The following IARS2 variants were observed in gnomAD, a reference collection of about 807,000 sequenced individuals.
The protein encoded by IARS2 is isoleucine--tRNA ligase, mitochondrial.
A neutral mutation model predicts 126.3 loss-of-function variants in IARS2; 56 were observed. The observed-to-expected ratio is 0.44, with a 90% confidence interval of 0.36 to 0.55. IARS2 has a LOEUF of 0.55. IARS2 is among the 20% of genes least tolerant of loss of function. The probability of loss-of-function intolerance (pLI) is 0.00; values close to 1 mark genes in which losing one functional copy is unlikely to be tolerated. For synonymous variants in IARS2, 407 were observed against 441.1 expected, an observed-to-expected ratio of 0.92 and a Z score of 0.97; for missense variants, 1,127 against 1,245.9, an observed-to-expected ratio of 0.90 and a Z score of 1.44.
intron 8 of IARS2, among the ~76,000 whole-genome samples, chr1:220,105,572 T>C (rs1656662071): frequency 2.0e-5 from 3 of 152,190 alleles, no homozygotes; most frequent in Admixed American, 2.0e-4. Context: ...AAATGAATTA[T>C]TTCTTATCAA....
chr1:220,146,868 C>T lies in IARS2; in HGVS notation c.2897-625C>T, dbSNP rs566833220. 2.6e-5 allele frequency among the ~76,000 whole-genome samples: 4 copies of T among 152,200 alleles called. No individual in the cohort carries two copies. In the East Asian group the frequency reaches 7.7e-4, roughly 29 times the overall value. ...TGTATTTTTAGTAGAGATGGGGTTTCACCATGTTGGCCAGGCTGGTCTTGA... is the reference window on the plus strand; with the variant it reads ...TGTATTTTTAGTAGAGATGGGGTTTTACCATGTTGGCCAGGCTGGTCTTGA... On this transcript the variant is annotated intron_variant, in intron 22 of 22. Coordinates refer to ENST00000366922, the MANE Select transcript of IARS2 (RefSeq NM_018060.4).
chr1:220,130,106 A>G (rs774477815), intron 14 of IARS2, among the ~76,000 whole-genome samples: 7 of 152,166 alleles, frequency 4.6e-5, no homozygotes, highest in Non-Finnish European at 1.0e-4. Context: ...TTCCCTGATG[A>G]TTAGTGATGT....
Position 220,102,217 on chromosome 1 carries a change from T to C in IARS2, c.639T>C (p.Tyr213=), listed in dbSNP as rs1412568537. ...GIMADWNNCY[Y]TFDGKYEAKQ... Reference sequence around the variant, plus strand: ...TGGCAGATTGGAATAATTGCTACTATACATTTGATGGGAAGTATGAAGCCA... The same window carrying C: ...TGGCAGATTGGAATAATTGCTACTACACATTTGATGGGAAGTATGAAGCCA... Residue 213 remains tyrosine, a synonymous_variant, in exon 4 of 23, where the codon TAT becomes TAC. Transcript: ENST00000366922. 2 of 1,612,092 alleles carry C rather than the reference T, an allele frequency of 1.2e-6. No individual in the cohort carries two copies. Among genetic ancestry groups the C allele is most frequent in the Non-Finnish European group, 1.7e-6 (2 of 1,179,476 alleles).
At chr1:220,146,516 T>TAA (rs1657594506) in intron 22 of IARS2, among the ~76,000 whole-genome samples, 1 of 29,014 alleles carries the variant, frequency 3.4e-5, no homozygotes, top group African/African-American at 2.5e-4. Flanking sequence ...AGACTCCGTC[T>TAA]CAAAAAAAAA....
rs1410288129 is a variant in IARS2 at position 220,094,207 on chromosome 1, T to TTGCCGGACCATGCGTTGGGGGC, written c.-6_16dup. 1 of 1,555,702 alleles carries TTGCCGGACCATGCGTTGGGGGC rather than the reference T, an allele frequency of 6.4e-7. No homozygotes were observed. Among genetic ancestry groups the TTGCCGGACCATGCGTTGGGGGC allele is most frequent in the Admixed American group, 1.9e-5 (1 of 52,764 alleles). ...GAGCGGAGGACCCCGCTCTCAGGGG[T>TTGCCGGACCATGCGTTGGGGGC]TGCCGGACCATGCGTTGGGGGCTGC... On this transcript the variant is annotated 5_prime_UTR_variant, in exon 1 of 23. It adds an upstream start codon to the 5' untranslated region. Coordinates refer to ENST00000366922, the MANE Select transcript of IARS2 (RefSeq NM_018060.4).
chr1:220,102,601 A>G lies in IARS2; in HGVS notation c.856A>G (p.Ile286Val). ...GCCTTCTCCAAAATTGGCATCTCTT[A>G]TAGGTAAGATTTATTCATAGCTTGA... is the stretch of plus-strand genomic sequence containing the variant. ...LKPSPKLASL[I>V]DGSSPVSILV... Residue 286 changes from isoleucine to valine, a missense_variant, in exon 6 of 23, where the codon ATA becomes GTA. Ile to Val is a conservative substitution (Grantham distance 29). Transcript: ENST00000366922. 1.2e-6 allele frequency: 2 copies of G among 1,604,880 alleles called. No individual in the cohort carries two copies. Among genetic ancestry groups the G allele is most frequent in the Non-Finnish European group, 1.7e-6 (2 of 1,171,682 alleles).
intron 11 of IARS2, among the ~76,000 whole-genome samples, chr1:220,111,852 G>T (rs937501953): frequency 1.3e-5 from 2 of 151,726 alleles, no homozygotes; most frequent in African/African-American, 4.8e-5. Flanking sequence ...GTGCATTTTG[G>T]TTTTTTCTTC....
Position 220,094,165 on chromosome 1 carries a change from C to T in IARS2, c.-52C>T, listed in dbSNP as rs1222911310. Reference sequence around the variant, plus strand: ...CCCCTTGGTTTCCTGGGGTCCTGCCCCTTCAAGCTGGGGCGGGAGCGGAGG... The same window carrying T: ...CCCCTTGGTTTCCTGGGGTCCTGCCTCTTCAAGCTGGGGCGGGAGCGGAGG... On this transcript the variant is annotated 5_prime_UTR_variant, in exon 1 of 23. Transcript: ENST00000366922. 6 of 1,493,622 alleles carry T rather than the reference C, an allele frequency of 4.0e-6. No homozygotes were observed. In the African/African-American group the frequency reaches 4.3e-5, roughly 11 times the overall value. The allele number at this position is 1,493,622 out of a possible 1,614,324, so 92.5% of individuals were successfully genotyped here.
intron 10 of IARS2, 68 bp from the exon 11 acceptor site, chr1:220,110,718 T>C: frequency 8.0e-7 from 1 of 1,250,934 alleles, no homozygotes; most frequent in Non-Finnish European, 1.1e-6. Flanking sequence ...TTCTGGAAGT[T>C]TAGAGCATTT....
chr1:220,137,351 T>TTA (rs1657397400), intron 16 of IARS2, among the ~76,000 whole-genome samples: 1 of 152,220 alleles, frequency 6.6e-6, no homozygotes, highest in South Asian at 2.1e-4. Context: ...GCGCATTTCA[T>TTA]TATTATATTG....
chr1:220,105,392 A>G (rs146530079), intron 8 of IARS2, among the ~76,000 whole-genome samples: 2 of 152,330 alleles, frequency 1.3e-5, no homozygotes, highest in South Asian at 2.1e-4. Flanking sequence ...AATTCTTACT[A>G]TCAGATAATT....
intron 5 of IARS2, 26 bp downstream of exon 5, chr1:220,102,438 A>G (rs370222815): frequency 4.3e-6 from 7 of 1,612,400 alleles, no homozygotes; most frequent in Non-Finnish European, 5.1e-6. Flanking sequence ...TCGGTAATTA[A>G]AAGGGAGAAA....
intron 10 of IARS2, 86 bp from the exon 11 acceptor site, chr1:220,110,700 T>C: frequency 9.6e-7 from 1 of 1,038,634 alleles, no homozygotes; most frequent in South Asian, 1.5e-5. Context: ...TGCTGCAGAT[T>C]TAGTATTTTC....
At chr1:220,146,047 T>C (rs552067264) in intron 22 of IARS2, among the ~76,000 whole-genome samples, 88 of 152,350 alleles carry the variant, frequency 5.8e-4, no homozygotes, top group African/African-American at 1.9e-3. Context: ...TTTCCTATTA[T>C]GTATACCCCG....
At chr1:220,137,487 A>G (rs1657399852) in intron 16 of IARS2, among the ~76,000 whole-genome samples, 2 of 152,030 alleles carry the variant, frequency 1.3e-5, no homozygotes, top group South Asian at 2.1e-4. Context: ...TCTATTTTTT[A>G]ACTCCTGTAG....
chr1:220,116,457 A>T (rs1164111923), intron 12 of IARS2, among the ~76,000 whole-genome samples: 2 of 151,952 alleles, frequency 1.3e-5, no homozygotes, highest in Non-Finnish European at 2.9e-5. Flanking sequence ...TCTTTGAGCA[A>T]TTTTTTTTAA....
At position 220,114,436 on chromosome 1, in the gene IARS2, G is replaced by A. The variant is rs1349452971; in HGVS notation, c.1602G>A (p.Val534=). The A allele has an allele frequency of 6.2e-7, 1 of 1,613,876 alleles. No individual in the cohort carries two copies. The highest frequency in any genetic ancestry group is 8.5e-7 in the Non-Finnish European group (1 of 1,179,902). Residue 534 remains valine, a synonymous_variant, in exon 12 of 23, where the codon GTG becomes GTA. Coordinates refer to ENST00000366922, the MANE Select transcript of IARS2 (RefSeq NM_018060.4). ...RQRVWGVPIP[V]FHHKTKDEYL... ...GAGTTTGGGGTGTTCCAATTCCTGT[G>A]TTTCATCATAAGACCAAGGATGAAT...
At chr1:220,130,713 A>G (rs541566133) in intron 14 of IARS2, among the ~76,000 whole-genome samples, 1 of 152,142 alleles carries the variant, frequency 6.6e-6, no homozygotes, top group East Asian at 1.9e-4. Context: ...ACCTGCCACC[A>G]CGCCTGGCTA....
intron 7 of IARS2, among the ~76,000 whole-genome samples, 181 bp from the exon 8 acceptor site, chr1:220,103,266 G>A (rs1656616486): frequency 6.6e-6 from 1 of 152,086 alleles, no homozygotes; most frequent in African/African-American, 2.4e-5. Flanking sequence ...GAGGCTGGTT[G>A]CAAACTCCCA....
Sources: gnomAD v4.1 joint callset for allele counts (sites outside exome capture counted in the v4.1 genomes callset) on GRCh38, gnomAD v4.1.1 for gene constraint, MANE v1.5 for transcripts, NCBI Gene and HGNC (gene_info 2026-07-23, HGNC 2026-07-21) for gene names.